MTMR14: variants seen among roughly 807,000 people sequenced by gnomAD.
MTMR14 encodes the protein phosphatidylinositol-3,5-bisphosphate 3-phosphatase MTMR14.
Under a neutral mutation model 86.3 loss-of-function variants are expected in MTMR14, and 48 were observed. The observed-to-expected ratio is 0.56, with a 90% CI of 0.44 to 0.71. The LOEUF (loss-of-function observed/expected upper bound fraction) is 0.71. Among genes scored for constraint, MTMR14 ranks in the 30% least tolerant of loss-of-function variants. The pLI is 0.00. For missense variants in MTMR14, 780 were observed against 834.6 expected, an observed-to-expected ratio of 0.93 and a Z score of 0.81; for synonymous variants, 366 against 326.1, an observed-to-expected ratio of 1.12 and a Z score of -1.32.
rs2048287376 is a variant in MTMR14 at position 9,666,938 on chromosome 3, C to T, written c.418-1781C>T. ...CTATCAAGAGGGGTCAGCCCTCCCA[C>T]AGGGGCCTTCCTGAAGAGGCTGGTT... On this transcript the variant is annotated intron_variant, in intron 3 of 18. Transcript: ENST00000296003. Among the ~76,000 whole-genome samples the T allele has an allele frequency of 2.6e-5, 4 of 152,350 alleles. No homozygotes were observed. The South Asian group carries it at 8.3e-4, about 32-fold the overall frequency.
At chr3:9,688,030 T>C in intron 14 of MTMR14, 139 bp downstream of exon 14, 1 of 775,644 alleles carries the variant, frequency 1.3e-6, no homozygotes, top group Non-Finnish European at 2.2e-6. Flanking sequence ...GCCTTCGCTC[T>C]GAGGCCAGGG....
At chr3:9,656,117 C>T (rs1405025693) in intron 2 of MTMR14, among the ~76,000 whole-genome samples, 1 of 152,058 alleles carries the variant, frequency 6.6e-6, no homozygotes, top group Non-Finnish European at 1.5e-5. Flanking sequence ...ATCACTTGAA[C>T]CCAGGAGGCG....
intron 3 of MTMR14, among the ~76,000 whole-genome samples, chr3:9,665,146 G>C (rs887113446): frequency 1.3e-5 from 2 of 152,034 alleles, no homozygotes; most frequent in Non-Finnish European, 2.9e-5. Context: ...GCCAGGCAAG[G>C]TGGCAGGCGC....
chr3:9,662,209 A>G (rs762575555), intron 2 of MTMR14, 58 bp from the exon 3 acceptor site: 1 of 1,301,246 alleles, frequency 7.7e-7, no homozygotes, highest in Non-Finnish European at 1.1e-6. Context: ...ATAAACACAT[A>G]TACACAAAGT....
At chr3:9,684,866 C>A (rs781120741) in intron 11 of MTMR14, 22 bp from the exon 12 acceptor site, 6 of 1,613,032 alleles carry the variant, frequency 3.7e-6, no homozygotes, top group Non-Finnish European at 5.1e-6. Flanking sequence ...GGCTCTGTCA[C>A]ATCTCCTGTG....
intron 9 of MTMR14, among the ~76,000 whole-genome samples, chr3:9,681,657 GAGTC>G (rs1440436895): frequency 6.6e-6 from 1 of 152,210 alleles, no homozygotes; most frequent in Non-Finnish European, 1.5e-5. Flanking sequence ...TAGGATGAGA[GAGTC>G]AGGCACGAGC....
rs2076458878 is a variant in MTMR14, at chr3:9,701,560, T to G, written c.1770-230T>G. 2 of 584,460 alleles carry G rather than the reference T, an allele frequency of 3.4e-6. No individual in the cohort carries two copies. 36.2% of individuals were successfully genotyped at this position (584,460 alleles called of 1,614,324 possible). A position where few individuals can be genotyped will look rare whatever the true frequency, so the allele number is the denominator to read the frequency against. The stretch of plus-strand genomic sequence containing the variant: ...AAAAGGTTAGTGTCCCAGTAAAAGC[T>G]CCTGCTCTAGGTGGGAACAGTAGCC... On this transcript the variant is annotated intron_variant, in intron 18 of 18. Coordinates refer to ENST00000296003, the MANE Select transcript of MTMR14 (RefSeq NM_001077525.3). This position sits in a 1 kb window ranked among gnomAD's most constrained non-coding sequence, Gnocchi z 4.2.
intron 17 of MTMR14, among the ~76,000 whole-genome samples, 186 bp from the exon 18 acceptor site, chr3:9,697,525 T>C (rs1224484956): frequency 6.6e-6 from 1 of 152,214 alleles, no homozygotes; most frequent in Non-Finnish European, 1.5e-5. Flanking sequence ...CAGCTGAGCT[T>C]ACCTGGTGAT....
chr3:9,675,751 C>T (rs1166123424), intron 7 of MTMR14: 15 of 455,194 alleles, frequency 3.3e-5, no homozygotes, highest in Non-Finnish European at 5.3e-5. Context: ...GCATCATAGG[C>T]GGGTCTGAGC....
rs986256956 is a variant in MTMR14, at chr3:9,679,297, T to C, written c.897+1239T>C. Among the ~76,000 whole-genome samples, 8 of 152,138 alleles carry C rather than the reference T, an allele frequency of 5.3e-5. No individual in the cohort carries two copies. The East Asian group carries it at 1.4e-3, about 26-fold the overall frequency. On this transcript the variant is annotated intron_variant, in intron 9 of 18. Transcript: ENST00000296003. ...TCTGGAAGCCTGGAGAAGGAACAGG[T>C]TTGGGGTACCTGTGCTGTGGTCTCA... is the stretch of plus-strand genomic sequence containing the variant.
chr3:9,697,582 CT>C, intron 17 of MTMR14, 128 bp from the exon 18 acceptor site: 1 of 1,062,686 alleles, frequency 9.4e-7, no homozygotes, highest in East Asian at 2.4e-5. Context: ...TTTTTTTAGA[CT>C]TTTGGAGACA....
intron 9 of MTMR14, among the ~76,000 whole-genome samples, chr3:9,681,536 T>C (rs1343147222): frequency 3.3e-5 from 5 of 152,210 alleles, no homozygotes; most frequent in Admixed American, 1.3e-4. Flanking sequence ...TCTGGGCCTT[T>C]GAAGGATGAG....
chr3:9,685,382 TCCTGAG>T, intron 13 of MTMR14, 135 bp downstream of exon 13: 1 of 1,094,878 alleles, frequency 9.1e-7, no homozygotes. Flanking sequence ...TGTCATCTCC[TCCTGAG>T]GCAGCGTGGC....
chr3:9,668,623 T>C (rs12493353), intron 3 of MTMR14, 96 bp from the exon 4 acceptor site: 115,482 of 1,328,312 alleles, frequency 0.087, 5,288 homozygotes, highest in Admixed American at 0.12. Flanking sequence ...GGGCCCGTTA[T>C]GCTGGCCTGG....
intron 1 of MTMR14, among the ~76,000 whole-genome samples, chr3:9,650,130 G>A (rs963669186): frequency 1.3e-5 from 2 of 152,108 alleles, no homozygotes; most frequent in Non-Finnish European, 1.5e-5. Context: ...ATAGGGAGAC[G>A]ATTCCTCGGG....
intron 3 of MTMR14, among the ~76,000 whole-genome samples, chr3:9,666,250 C>G (rs552685784): frequency 1.3e-5 from 2 of 151,504 alleles, no homozygotes; most frequent in South Asian, 4.2e-4. Context: ...TCTTGTGCCT[C>G]AGCCTCCCAA....
intron 11 of MTMR14, 91 bp from the exon 12 acceptor site, chr3:9,684,797 T>C: frequency 1.9e-6 from 3 of 1,547,074 alleles, no homozygotes; most frequent in Non-Finnish European, 2.7e-6. Flanking sequence ...TTCCGGGTGT[T>C]CTTCAGCCTG....
At chr3:9,669,549 G>C in intron 5 of MTMR14, 57 bp downstream of exon 5, 1 of 1,551,400 alleles carries the variant, frequency 6.4e-7, no homozygotes, top group Non-Finnish European at 8.8e-7. Flanking sequence ...TGTCTGGCCA[G>C]AGATGGCCAT....
At chr3:9,665,386 CGCATGTTCTCATTCATAAGTGGGA>C (rs1237451403) in intron 3 of MTMR14, among the ~76,000 whole-genome samples, 8 of 151,940 alleles carry the variant, frequency 5.3e-5, no homozygotes, top group Non-Finnish European at 1.2e-4. Context: ...AATCAAATAC[CGCATGTTCTCATTCATAAGTGGGA>C]GCTAAATAGC....
Sources: allele counts gnomAD v4.1 joint callset (sites outside exome capture counted in the v4.1 genomes callset), GRCh38; gene constraint gnomAD v4.1.1; non-coding constraint Gnocchi (gnomAD v3.1); transcripts MANE v1.5; gene names NCBI Gene and HGNC (gene_info 2026-07-23, HGNC 2026-07-21).